NOC3L: variants seen among roughly 807,000 people sequenced by gnomAD.
The protein encoded by NOC3L is nucleolar complex protein 3 homolog.
Under a neutral mutation model 102.5 loss-of-function variants are expected in NOC3L, and 85 were observed. That is an observed-to-expected ratio of 0.83 (90% CI 0.70 to 0.99). The LOEUF (loss-of-function observed/expected upper bound fraction) is 0.99, where lower values mean the gene tolerates loss of function less well. Among genes scored for constraint, NOC3L ranks in the 50% least tolerant of loss-of-function variants. The pLI, the probability that NOC3L is intolerant of heterozygous loss-of-function variation, is 0.00. For synonymous variants in NOC3L, 303 were observed against 309.4 expected (o/e 0.98, Z 0.22); for missense variants, 878 against 914.9 (o/e 0.96, Z 0.52).
At chr10:94,361,627 TC>T in intron 2 of NOC3L, 37 bp downstream of exon 2, 2 of 1,578,150 alleles carry the variant, frequency 1.3e-6, no homozygotes, top group Non-Finnish European at 1.7e-6. Flanking sequence ...TCAGAATAAA[TC>T]AATGGAAACC....
Position 94,333,282 on chromosome 10 carries a change from T to A in NOC3L, c.*895A>T, listed in dbSNP as rs1195605138. 1 of 152,316 alleles carries A rather than the reference T, an allele frequency of 6.6e-6. No individual in the cohort carries two copies. The highest frequency in any genetic ancestry group is 2.4e-5 in the African/African-American group (1 of 41,592). 9.4% of individuals were successfully genotyped at this position (152,316 alleles called of 1,614,324 possible). A position where few individuals can be genotyped will look rare whatever the true frequency, so the allele number is the denominator to read the frequency against. On this transcript the variant is annotated 3_prime_UTR_variant, in exon 21 of 21. Transcript: ENST00000371361. ...AACTATTCACAATAGAGAATATTTA[T>A]AATCTAGTCACTGAAACACGCATTT... is the stretch of plus-strand genomic sequence containing the variant.
At chr10:94,341,193 AT>A (rs2133988487) in intron 14 of NOC3L, among the ~76,000 whole-genome samples, 1 of 151,922 alleles carries the variant, frequency 6.6e-6, no homozygotes, top group East Asian at 1.9e-4. Context: ...AAAAAGACCT[AT>A]AAAGGTTATC....
At chr10:94,353,092 C>T in intron 6 of NOC3L, 35 bp from the exon 7 acceptor site, 1 of 1,533,014 alleles carries the variant, frequency 6.5e-7, no homozygotes, top group Non-Finnish European at 8.9e-7. Flanking sequence ...CTGGAGAAAT[C>T]ATGACGAAAC....
chr10:94,322,315 T>C, the NOC3L span, among the ~76,000 whole-genome samples: 2 of 151,614 alleles, frequency 1.3e-5, no homozygotes, highest in Non-Finnish European at 2.9e-5. Flanking sequence ...GACTGGCCAC[T>C]GCACTGCAGC....
chr10:94,315,539 C>A, the NOC3L span: 4 of 454,934 alleles, frequency 8.8e-6, no homozygotes, highest in Non-Finnish European at 1.8e-5. Flanking sequence ...GAGGCCGAGG[C>A]GGGCAGATCA....
At chr10:94,355,213 C>T (rs774587985) in intron 5 of NOC3L, 120 bp from the exon 6 acceptor site, 34 of 776,422 alleles carry the variant, frequency 4.4e-5, no homozygotes, top group Non-Finnish European at 6.4e-5. Context: ...GTATTTACTA[C>T]TACACATCAT....
At chr10:94,338,975 AT>A (rs1207734891) in intron 17 of NOC3L, among the ~76,000 whole-genome samples, 2 of 152,256 alleles carry the variant, frequency 1.3e-5, no homozygotes, top group Non-Finnish European at 2.9e-5. Flanking sequence ...AAAGAAAAAA[AT>A]ATGCTTCTCA....
At chr10:94,325,142 A>T in the NOC3L span, 9 of 1,370,784 alleles carry the variant, frequency 6.6e-6, no homozygotes, top group Non-Finnish European at 9.4e-6. Context: ...AACAGGGCTT[A>T]ACTTAAACTA....
At chr10:94,325,393 C>T in the NOC3L span, 2 of 329,292 alleles carry the variant, frequency 6.1e-6, no homozygotes, top group South Asian at 5.5e-5. Flanking sequence ...GAGGTCAGTT[C>T]AAGACCAGCC....
chr10:94,358,009 A>T (rs2054507752), intron 3 of NOC3L, 74 bp downstream of exon 3: 1 of 894,108 alleles, frequency 1.1e-6, no homozygotes. Context: ...ACCTTGAACC[A>T]CCTAAGTGAA....
intron 6 of NOC3L, among the ~76,000 whole-genome samples, chr10:94,353,678 T>C (rs1235162046): frequency 6.6e-6 from 1 of 152,200 alleles, no homozygotes; most frequent in Non-Finnish European, 1.5e-5. Context: ...GTTAGAAACA[T>C]ACAGACCTTA....
chr10:94,339,911 T>C lies in NOC3L; in HGVS notation c.1790A>G (p.Asn597Ser), dbSNP rs747134373. Residue 597 changes from asparagine (N) to serine (S), a missense_variant, in exon 17 of 21, where the codon AAT becomes AGT. Transcript: ENST00000371361. Reference sequence around the variant, plus strand: ...CTGGAGTACAATCTCAACACCTTCATTGGTAGCACCTAAAACAGCAGACAT... The same window carrying C: ...CTGGAGTACAATCTCAACACCTTCACTGGTAGCACCTAAAACAGCAGACAT... ...TLFKLHAGATNEGVEIVLQCL... is the reference protein window; with the variant it reads ...TLFKLHAGATSEGVEIVLQCL... The C allele has an allele frequency of 3.1e-5, 50 of 1,613,424 alleles. No individual in the cohort carries two copies. Among genetic ancestry groups the C allele is most frequent in the East Asian group, 4.5e-5 (2 of 44,890 alleles).
chr10:94,326,701 G>A, the NOC3L span, among the ~76,000 whole-genome samples: 1 of 152,204 alleles, frequency 6.6e-6, no homozygotes, highest in African/African-American at 2.4e-5. Context: ...GGAGACTGGG[G>A]GAGGGTGATT....
In NOC3L at chr10:94,338,678, A is replaced by G. The variant is rs1438170449; in HGVS notation, c.2021T>C (p.Leu674Pro). ...DSESQGSGVF[L>P]PELDEPEYCN... ...GTACTCAGGCTCATCCAGTTCAGGA[A>G]GGAAAACTCCACTTCCCTGAGATTC... Residue 674 changes from leucine to proline, a missense_variant, in exon 18 of 21, where the codon CTT becomes CCT. Transcript: ENST00000371361. 1.9e-6 allele frequency: 3 copies of G among 1,613,374 alleles called. No individual in the cohort carries two copies. In the African/African-American group the frequency reaches 4.0e-5, roughly 22 times the overall value.
the NOC3L span, chr10:94,325,359 G>T: frequency 2.1e-5 from 8 of 388,606 alleles, no homozygotes; most frequent in Non-Finnish European, 3.9e-5. Flanking sequence ...AGCACTTTGG[G>T]AGGCCAAGGC....
chr10:94,351,983 A>T (rs2054424866), intron 8 of NOC3L, among the ~76,000 whole-genome samples: 1 of 152,222 alleles, frequency 6.6e-6, no homozygotes, highest in Non-Finnish European at 1.5e-5. Flanking sequence ...AATAATTGAT[A>T]AAATATAGTG....
At chr10:94,321,976 C>G in the NOC3L span, 1 of 1,613,590 alleles carries the variant, frequency 6.2e-7, no homozygotes, top group Non-Finnish European at 8.5e-7. Context: ...TTTCTTTGTC[C>G]AAGTGCATGA....
chr10:94,334,747 A>C (rs2054198441), intron 19 of NOC3L, 29 bp from the exon 20 acceptor site: 1 of 1,417,188 alleles, frequency 7.1e-7, no homozygotes, highest in African/African-American at 1.4e-5. Context: ...AAATGTAAAG[A>C]TACCACCACA....
intron 11 of NOC3L, among the ~76,000 whole-genome samples, chr10:94,345,601 T>C (rs1327808708): frequency 3.3e-5 from 5 of 152,198 alleles, no homozygotes; most frequent in Non-Finnish European, 2.9e-5. Flanking sequence ...TCACCTCATC[T>C]ATACACATGC....
Sources: gnomAD v4.1 joint callset for allele counts (sites outside exome capture counted in the v4.1 genomes callset) on GRCh38, gnomAD v4.1.1 for gene constraint, MANE v1.5 for transcripts, NCBI Gene and HGNC (gene_info 2026-07-23, HGNC 2026-07-21) for gene names.